Variants in ATAD3A observed in about 807,000 individuals in gnomAD.
The protein encoded by ATAD3A is ATPase family AAA domain-containing protein 3A.
ATAD3A carries 46 observed loss-of-function variants against 73.8 expected under a neutral mutation model. The observed-to-expected ratio is 0.62, with a 90% confidence interval of 0.49 to 0.80. The LOEUF (loss-of-function observed/expected upper bound fraction) is 0.80, where lower values mean the gene tolerates loss of function less well. Among genes scored for constraint, ATAD3A ranks in the 30% least tolerant of loss-of-function variants. ATAD3A has a pLI of 0.00. For missense variants in ATAD3A, 705 were observed against 838.0 expected (o/e 0.84, Z 1.96); for synonymous variants, 319 against 350.0 (o/e 0.91, Z 0.99).
At position 1,523,433 on chromosome 1, in the gene ATAD3A, A is replaced by C. The variant is rs1477125295; in HGVS notation, c.907-78A>C. 1 of 1,562,256 alleles carries C rather than the reference A, an allele frequency of 6.4e-7. No individual in the cohort carries two copies. The highest frequency in any genetic ancestry group is 8.7e-7 in the Non-Finnish European group (1 of 1,152,086). On this transcript the variant is annotated intron_variant, in intron 8 of 15. Coordinates refer to ENST00000378756, the MANE Select transcript of ATAD3A (RefSeq NM_001170535.3). The surrounding 1 kb of genome is among the most constrained non-coding windows in gnomAD (Gnocchi z 5.1). ...GCAGCTCCGTTTCTGCGTGTTACCGAGCGTGTGTGTGCGCGTTGGTGGCTG... is the reference window on the plus strand; with the variant it reads ...GCAGCTCCGTTTCTGCGTGTTACCGCGCGTGTGTGTGCGCGTTGGTGGCTG...
In ATAD3A at chr1:1,525,137, C is replaced by T. The variant is rs564903814; in HGVS notation, c.1215-103C>T. On this transcript the variant is annotated intron_variant, in intron 11 of 15. Coordinates refer to ENST00000378756, the MANE Select transcript of ATAD3A (RefSeq NM_001170535.3). Reference sequence around the variant, plus strand: ...CTGCTGATGGGGCAGAGCCTGACCCCGTGGGGATCTGCCTGCTTGGCCTGC... The same window carrying T: ...CTGCTGATGGGGCAGAGCCTGACCCTGTGGGGATCTGCCTGCTTGGCCTGC... The T allele has an allele frequency of 2.2e-5, 33 of 1,490,414 alleles. 1 individual carries two copies. Among genetic ancestry groups the T allele is most frequent in the Admixed American group, 1.3e-4 (8 of 59,716 alleles). The allele number at this position is 1,490,414 out of a possible 1,614,324, so 92.3% of individuals were successfully genotyped here.
At position 1,534,433 on chromosome 1, in the gene ATAD3A, T is replaced by C; in HGVS notation, c.*361T>C. On this transcript the variant is annotated 3_prime_UTR_variant, in exon 16 of 16. Coordinates refer to ENST00000378756, the MANE Select transcript of ATAD3A (RefSeq NM_001170535.3). ...GGGGCAGCAGGAGCCAGGCAGGTGA[T>C]GTCTTTGTTCTCGGCTCCCACAGCA... is the stretch of plus-strand genomic sequence containing the variant. The C allele has an allele frequency of 7.9e-7, 1 of 1,265,900 alleles. No individual in the cohort carries two copies. The highest frequency in any genetic ancestry group is 1.0e-6 in the Non-Finnish European group (1 of 988,778). The allele number at this position is 1,265,900 out of a possible 1,614,324, so 78.4% of individuals were successfully genotyped here.
rs1178673561 is a variant in ATAD3A at position 1,523,910 on chromosome 1, C to T, written c.1035C>T (p.Tyr345=). ...ACACCAAGAAGAACCGCAGCCTGTA[C>T]AGGAACATCCTGATGTACGGGCCAC... ...TRNTKKNRSL[Y]RNILMYGPPG... The change falls in exon 10 of 16, where the codon TAC becomes TAT. Residue 345 remains tyrosine, a synonymous_variant. Transcript: ENST00000378756. This position sits in a 1 kb window ranked among gnomAD's most constrained non-coding sequence, Gnocchi z 5.1. 4 of 1,613,958 alleles carry T rather than the reference C, an allele frequency of 2.5e-6. No homozygotes were observed. The highest frequency in any genetic ancestry group is 1.1e-5 in the South Asian group (1 of 91,086).
intron 15 of ATAD3A, 47 bp from the exon 16 acceptor site, chr1:1,533,879 G>C (rs765201587): frequency 3.1e-6 from 5 of 1,595,410 alleles, no homozygotes; most frequent in South Asian, 1.1e-5. Flanking sequence ...CATTTGGGGT[G>C]GGGGGTTCCC....
intron 12 of ATAD3A, among the ~76,000 whole-genome samples, chr1:1,525,998 G>T (rs372023997): frequency 6.6e-6 from 1 of 151,672 alleles, no homozygotes; most frequent in Non-Finnish European, 1.5e-5. Flanking sequence ...GTGAGCCCCC[G>T]TGCCCGGTCA....
intron 5 of ATAD3A, among the ~76,000 whole-genome samples, chr1:1,519,257 C>T (rs1479099040): frequency 7.1e-6 from 1 of 141,596 alleles, no homozygotes; most frequent in Non-Finnish European, 1.6e-5. Context: ...GACGGAGTCT[C>T]GCTCTGTCAC....
At chr1:1,525,926 T>C (rs1473236018) in intron 12 of ATAD3A, among the ~76,000 whole-genome samples, 1 of 152,186 alleles carries the variant, frequency 6.6e-6, no homozygotes, top group African/African-American at 2.4e-5. Flanking sequence ...CAGACTGGGC[T>C]CAAACTTCTG....
At position 1,518,966 on chromosome 1, in the gene ATAD3A, C is replaced by T. The variant is rs760826883; in HGVS notation, c.490C>T (p.Gln164Ter). 1.9e-6 allele frequency: 3 copies of T among 1,614,164 alleles called. No individual in the cohort carries two copies. Among genetic ancestry groups the T allele is most frequent in the South Asian group, 1.1e-5 (1 of 91,080 alleles). Reference sequence around the variant, plus strand: ...TTTACGGAAGCAGGAGGAGTCCGTGCAGAAGCAGGAAGCCATGCGGCGAGG... The same window carrying T: ...TTTACGGAAGCAGGAGGAGTCCGTGTAGAAGCAGGAAGCCATGCGGCGAGG... ...ENLRKQEESV[Q>*]KQEAMRRATV... The change falls in exon 5 of 16, where the codon CAG (glutamine) becomes TAG (stop). Residue 164 changes from glutamine to a stop codon, truncating the protein, a stop_gained. Transcript: ENST00000378756. LOFTEE classifies it high-confidence loss of function.
At chr1:1,526,742 C>T (rs1295908935) in intron 13 of ATAD3A, among the ~76,000 whole-genome samples, 3 of 152,242 alleles carry the variant, frequency 2.0e-5, no homozygotes, top group Admixed American at 2.0e-4. Context: ...CCGGGCAGAG[C>T]TGGGGTCAGT....
At chr1:1,519,938 T>A (rs2015387) in intron 5 of ATAD3A, among the ~76,000 whole-genome samples, 2 of 151,798 alleles carry the variant, frequency 1.3e-5, no homozygotes, top group Non-Finnish European at 2.9e-5. Context: ...TGGGCCTGTC[T>A]GTGGCGTGGG....
intron 2 of ATAD3A, 102 bp from the exon 3 acceptor site, chr1:1,517,209 G>A: frequency 6.5e-7 from 1 of 1,546,028 alleles, no homozygotes; most frequent in Non-Finnish European, 8.7e-7. Context: ...ACTAGTCTGG[G>A]CATGGAGTCT....
intron 1 of ATAD3A, among the ~76,000 whole-genome samples, chr1:1,513,254 C>T (rs1641256222): frequency 1.3e-5 from 2 of 151,940 alleles, no homozygotes; most frequent in African/African-American, 4.8e-5. Context: ...TTGCTGCAGG[C>T]TTATTTGGAG....
intron 5 of ATAD3A, 150 bp downstream of exon 5, chr1:1,519,140 CCT>C: frequency 6.6e-7 from 1 of 1,524,934 alleles, no homozygotes; most frequent in Non-Finnish European, 8.8e-7. Flanking sequence ...GGTGGGGCTG[CCT>C]CTCGGAAGAC....
intron 7 of ATAD3A, among the ~76,000 whole-genome samples, chr1:1,521,298 CAAAAAAAAAAA>C (rs1001385922): frequency 5.1e-4 from 13 of 25,366 alleles, no homozygotes; most frequent in South Asian, 3.1e-3. Context: ...GGCTTCTTCT[CAAAAAAAAAAA>C]AAAAAAAAAA....
chr1:1,515,968 T>G, intron 1 of ATAD3A, 44 bp from the exon 2 acceptor site: 1 of 1,611,068 alleles, frequency 6.2e-7, no homozygotes, highest in Non-Finnish European at 8.5e-7. Context: ...CCCAGCGGCA[T>G]CCGTGTATCC....
chr1:1,522,520 A>C (rs1641634695), intron 7 of ATAD3A, among the ~76,000 whole-genome samples: 1 of 152,212 alleles, frequency 6.6e-6, no homozygotes, highest in African/African-American at 2.4e-5. Flanking sequence ...TGCCAGTTGC[A>C]GAGAAAATGG....
At chr1:1,527,938 C>T in intron 14 of ATAD3A, 76 bp downstream of exon 14, 1 of 1,328,646 alleles carries the variant, frequency 7.5e-7, no homozygotes, top group Non-Finnish European at 1.0e-6. Context: ...TCCACCATCA[C>T]TTACAAACCT....
rs774338831 is a variant in ATAD3A, at chr1:1,517,140, T to G, written c.283-171T>G. 5.5e-5 allele frequency: 85 copies of G among 1,546,828 alleles called. No homozygotes were observed. In the South Asian group the frequency reaches 8.6e-4, roughly 16 times the overall value. On this transcript the variant is annotated intron_variant, in intron 2 of 15. Coordinates refer to ENST00000378756, the MANE Select transcript of ATAD3A (RefSeq NM_001170535.3). ...TGCTTCTGTGCCTGTGGGTCTGGAT[T>G]CCTCCAGGGCCTGATCCTGGGTGCA...
intron 11 of ATAD3A, among the ~76,000 whole-genome samples, chr1:1,524,897 C>T (rs1314087487): frequency 6.6e-6 from 1 of 151,918 alleles, no homozygotes; most frequent in African/African-American, 2.4e-5. Context: ...GGCACCCTCC[C>T]CTCTGGCCTT....
Sources: gnomAD v4.1 joint callset for allele counts (sites outside exome capture counted in the v4.1 genomes callset) on GRCh38, gnomAD v4.1.1 for gene constraint, Gnocchi (gnomAD v3.1) non-coding constraint, MANE v1.5 for transcripts, NCBI Gene and HGNC (gene_info 2026-07-23, HGNC 2026-07-21) for gene names.